Variants in DLEC1 observed in about 807,000 individuals in gnomAD.
DLEC1 encodes deleted in lung and esophageal cancer protein 1.
Under a neutral mutation model 198.1 loss-of-function variants are expected in DLEC1, and 146 were observed. The observed-to-expected ratio is 0.74, with a 90% CI of 0.64 to 0.85. The LOEUF (loss-of-function observed/expected upper bound fraction) is 0.85, where lower values mean the gene tolerates loss of function less well. DLEC1 is among the 40% of genes least tolerant of loss of function. DLEC1 has a pLI of 0.00. For missense variants in DLEC1, 2,233 were observed against 2,220.0 expected, an observed-to-expected ratio of 1.01 and a Z score of -0.12; for synonymous variants, 897 against 866.8, an observed-to-expected ratio of 1.03 and a Z score of -0.61.
At chr3:38,113,429 G>A (rs939527256) in intron 25 of DLEC1, among the ~76,000 whole-genome samples, 4 of 152,054 alleles carry the variant, frequency 2.6e-5, no homozygotes, top group Non-Finnish European at 5.9e-5. Flanking sequence ...AGTGGTTCAT[G>A]CCTGTAATCC....
rs1231096158 is a variant in DLEC1 at position 38,123,078 on chromosome 3, G to A, written c.*666G>A. The A allele has an allele frequency of 5.0e-6, 8 of 1,614,138 alleles. No homozygotes were observed. Among genetic ancestry groups the A allele is most frequent in the Non-Finnish European group, 6.8e-6 (8 of 1,180,016 alleles). Reference sequence around the variant, plus strand: ...CCCAGGGTATTCAAAGACGGCAGCGGCTCCCATTCCAGTCCCGATGCACAT... The same window carrying A: ...CCCAGGGTATTCAAAGACGGCAGCGACTCCCATTCCAGTCCCGATGCACAT... On this transcript the variant is annotated 3_prime_UTR_variant, in exon 37 of 37. Transcript: ENST00000308059.
At chr3:38,114,900 G>A (rs1170223318) in intron 26 of DLEC1, 83 bp from the exon 27 acceptor site, 2 of 1,246,702 alleles carry the variant, frequency 1.6e-6, no homozygotes, top group East Asian at 2.4e-5. Context: ...CCCCCTGCCT[G>A]AGCCCCCAGT....
chr3:38,078,517 G>A (rs1697766430), intron 6 of DLEC1, among the ~76,000 whole-genome samples: 2 of 152,102 alleles, frequency 1.3e-5, no homozygotes, highest in Non-Finnish European at 2.9e-5. Flanking sequence ...TTGAGGTTTG[G>A]GAGATTAATT....
intron 22 of DLEC1, 120 bp downstream of exon 22, chr3:38,109,682 A>G (rs1044462969): frequency 3.3e-6 from 5 of 1,518,146 alleles, no homozygotes; most frequent in Non-Finnish European, 3.6e-6. Context: ...CAGGCAGGAA[A>G]ACGCCACAGT....
rs1699740586 is a variant in DLEC1, at chr3:38,109,379, T to A, written c.3130-53T>A. On this transcript the variant is annotated intron_variant, in intron 21 of 36. Transcript: ENST00000308059. ...CTGTGCTGCGGAAGACCATCTGGGC[T>A]CATCTTCAGAGGCCCCAGGCCTGGT... 3.1e-6 allele frequency: 5 copies of A among 1,607,906 alleles called. No individual in the cohort carries two copies. In the South Asian group the frequency reaches 4.4e-5, roughly 14 times the overall value.
At chr3:38,118,333 G>A (rs1286491717) in intron 33 of DLEC1, among the ~76,000 whole-genome samples, 3 of 152,176 alleles carry the variant, frequency 2.0e-5, no homozygotes, top group East Asian at 1.9e-4. Context: ...TGCTGGTGGA[G>A]GCTGATGCAT....
At chr3:38,058,016 C>T (rs1209765698) in intron 2 of DLEC1, among the ~76,000 whole-genome samples, 2 of 151,954 alleles carry the variant, frequency 1.3e-5, no homozygotes, top group Non-Finnish European at 1.5e-5. Context: ...GGGGTTTCAC[C>T]GTGGTCTCGA....
chr3:38,082,079 C>T (rs537993312), intron 6 of DLEC1, among the ~76,000 whole-genome samples: 206 of 121,360 alleles, frequency 1.7e-3, no homozygotes, highest in Admixed American at 5.3e-3. Context: ...ACTTCTCAGA[C>T]GGGGCGGCCG....
rs370658013 is a variant in DLEC1 at position 38,117,876 on chromosome 3, G to A, written c.4556G>A (p.Arg1519Gln). ...TNTTEIPHYF[R>Q]LMVSRPFSVS... Reference sequence around the variant, plus strand: ...ACTACAGAGATCCCACACTACTTCCGGCTTATGGTCTCCAGGCCCTTCTCC... The same window carrying A: ...ACTACAGAGATCCCACACTACTTCCAGCTTATGGTCTCCAGGCCCTTCTCC... Residue 1519 changes from arginine (R) to glutamine (Q), a missense_variant, in exon 33 of 37, where the codon CGG becomes CAG. Coordinates refer to ENST00000308059, the MANE Select transcript of DLEC1 (RefSeq NM_007335.4). 12 of 1,614,082 alleles carry A rather than the reference G, an allele frequency of 7.4e-6. No individual in the cohort carries two copies. Among genetic ancestry groups the A allele is most frequent in the Non-Finnish European group, 9.3e-6 (11 of 1,180,008 alleles).
At chr3:38,088,688 C>T (rs1278470560) in intron 10 of DLEC1, among the ~76,000 whole-genome samples, 1 of 152,198 alleles carries the variant, frequency 6.6e-6, no homozygotes, top group Non-Finnish European at 1.5e-5. Flanking sequence ...AAGATCTTCG[C>T]TTGGTTCTTC....
chr3:38,118,167 G>A (rs1700284234), intron 33 of DLEC1, 143 bp downstream of exon 33: 1 of 914,296 alleles, frequency 1.1e-6, no homozygotes, highest in Non-Finnish European at 1.6e-6. Flanking sequence ...TGAACACTCG[G>A]GGGTGCACTC....
chr3:38,103,919 G>GT (rs1699434213), intron 19 of DLEC1: 3 of 152,116 alleles, frequency 2.0e-5, no homozygotes, highest in Non-Finnish European at 4.4e-5. Flanking sequence ...AATTACAGTA[G>GT]TAACATCAAA....
chr3:38,095,617 C>T (rs977765538), intron 13 of DLEC1: 14 of 474,502 alleles, frequency 3.0e-5, no homozygotes, highest in South Asian at 5.3e-5. Flanking sequence ...GCTTCGGACA[C>T]GTTGAGGGGC....
At position 38,123,026 on chromosome 3, in the gene DLEC1, G is replaced by A. The variant is rs1575254271; in HGVS notation, c.*614G>A. 1.2e-5 allele frequency: 19 copies of A among 1,612,744 alleles called. No individual in the cohort carries two copies. The East Asian group carries it at 1.6e-4, about 13-fold the overall frequency. On this transcript the variant is annotated 3_prime_UTR_variant, in exon 37 of 37. Transcript: ENST00000308059. The stretch of plus-strand genomic sequence containing the variant: ...AGAGCAGCAGGACTGTCTGCGTAGC[G>A]CCTCCAGCCTGGGACCTCACTCAGT...
At chr3:38,048,071 ATCCT>A in intron 2 of DLEC1, among the ~76,000 whole-genome samples, 1 of 152,310 alleles carries the variant, frequency 6.6e-6, no homozygotes, top group Non-Finnish European at 1.5e-5. Flanking sequence ...ATTATTTATT[ATCCT>A]TTTGGTGCTC....
intron 23 of DLEC1, 48 bp from the exon 24 acceptor site, chr3:38,111,629 G>A (rs779908195): frequency 6.3e-7 from 1 of 1,592,868 alleles, no homozygotes; most frequent in Non-Finnish European, 8.6e-7. Context: ...CAGGTCTTGG[G>A]ACAGGCTTGT....
intron 36 of DLEC1, 35 bp downstream of exon 36, chr3:38,122,229 C>T (rs751973160): frequency 6.2e-7 from 1 of 1,610,200 alleles, no homozygotes; most frequent in Non-Finnish European, 8.5e-7. Flanking sequence ...AAACTGCCCA[C>T]AGAGCCTGGA....
chr3:38,054,620 T>A (rs1036106799), intron 2 of DLEC1, among the ~76,000 whole-genome samples: 1 of 152,194 alleles, frequency 6.6e-6, no homozygotes, highest in Non-Finnish European at 1.5e-5. Flanking sequence ...AACCTGCACT[T>A]TGACTAGAAG....
At chr3:38,068,036 G>A (rs1420755596) in intron 6 of DLEC1, among the ~76,000 whole-genome samples, 1 of 152,166 alleles carries the variant, frequency 6.6e-6, no homozygotes, top group Admixed American at 6.5e-5. Flanking sequence ...TTACAGGCGT[G>A]AGCCATTGTA....
Sources: gnomAD v4.1 joint callset for allele counts (sites outside exome capture counted in the v4.1 genomes callset) on GRCh38, gnomAD v4.1.1 for gene constraint, MANE v1.5 for transcripts, NCBI Gene and HGNC (gene_info 2026-07-23, HGNC 2026-07-21) for gene names.